Variants in CTNNA3 observed in about 807,000 individuals in gnomAD.
CTNNA3 encodes catenin alpha 3.
CTNNA3 carries 76 observed loss-of-function variants against 95.7 expected under a neutral mutation model. The ratio of observed to expected loss-of-function variants is 0.79; its 90% confidence interval spans 0.66 to 0.96. The LOEUF (loss-of-function observed/expected upper bound fraction) is 0.96. CTNNA3 is among the 40% of genes least tolerant of loss of function. The pLI is 0.00. For synonymous variants in CTNNA3, 431 were observed against 374.4 expected (o/e 1.15, Z -1.74); for missense variants, 1,191 against 1,089.8 (o/e 1.09, Z -1.31).
chr10:67,097,468 C>T, intron 7 of CTNNA3: 1 of 800,560 alleles, frequency 1.2e-6, no homozygotes, highest in South Asian at 1.6e-5. Context: ...GACACCTGGG[C>T]CACAGGGCCA....
At chr10:67,390,147 T>C (rs1844392987) in intron 5 of CTNNA3, among the ~76,000 whole-genome samples, 1 of 152,048 alleles carries the variant, frequency 6.6e-6, no homozygotes, top group Admixed American at 6.5e-5. Context: ...ATCAACAAAA[T>C]TGATAGACCA....
In CTNNA3 at chr10:67,643,075, C is replaced by T. The variant is rs1259137310; in HGVS notation, c.99+4340G>A. Reference sequence around the variant, plus strand: ...AGCAAAGACATGGAATCAACCTAAACGCCCATCAGTGATAGACTGGATAAA... The same window carrying T: ...AGCAAAGACATGGAATCAACCTAAATGCCCATCAGTGATAGACTGGATAAA... On this transcript the variant is annotated intron_variant, in intron 2 of 17. Transcript: ENST00000433211. 5.3e-5 allele frequency among the ~76,000 whole-genome samples: 8 copies of T among 152,220 alleles called. No individual in the cohort carries two copies. The South Asian group carries it at 8.3e-4, about 16-fold the overall frequency.
chr10:66,535,612 T>C (rs1041642591), intron 10 of CTNNA3, among the ~76,000 whole-genome samples: 4 of 152,206 alleles, frequency 2.6e-5, no homozygotes, highest in Non-Finnish European at 5.9e-5. Flanking sequence ...ATGCACTCCA[T>C]AATGCAGGCC....
intron 13 of CTNNA3, among the ~76,000 whole-genome samples, chr10:66,259,209 T>C (rs2132094337): frequency 6.6e-6 from 1 of 152,224 alleles, no homozygotes; most frequent in African/African-American, 2.4e-5. Flanking sequence ...AATGGAATCG[T>C]TTCTTCTCCC....
intron 7 of CTNNA3, among the ~76,000 whole-genome samples, chr10:67,111,261 A>G (rs74652167): frequency 0.018 from 2,759 of 152,278 alleles, 84 homozygotes; most frequent in East Asian, 0.12. Flanking sequence ...ATTATACAAC[A>G]TTATAGAGTG....
At chr10:66,139,329 C>T (rs983875079) in intron 13 of CTNNA3, among the ~76,000 whole-genome samples, 1 of 151,870 alleles carries the variant, frequency 6.6e-6, no homozygotes, top group African/African-American at 2.4e-5. Context: ...GGCAAGATTA[C>T]CCCTGATGCC....
intron 9 of CTNNA3, among the ~76,000 whole-genome samples, chr10:66,748,614 C>T (rs1437027201): frequency 2.6e-5 from 4 of 151,716 alleles, no homozygotes; most frequent in Non-Finnish European, 5.9e-5. Flanking sequence ...TTCTTTTATC[C>T]CACCAGATGT....
intron 10 of CTNNA3, among the ~76,000 whole-genome samples, chr10:66,565,312 G>C (rs755903022): frequency 6.6e-6 from 1 of 151,778 alleles, no homozygotes; most frequent in Non-Finnish European, 1.5e-5. Context: ...ATACATAAGA[G>C]ATGGAGAGAG....
At position 65,918,893 on chromosome 10, in the gene CTNNA3, A is replaced by T. The variant is rs1221605325; in HGVS notation, c.*1437T>A. 4 of 152,104 alleles carry T rather than the reference A, an allele frequency of 2.6e-5. No individual in the cohort carries two copies. The highest frequency in any genetic ancestry group is 5.9e-5 in the Non-Finnish European group (4 of 68,006). 9.4% of individuals were successfully genotyped at this position (152,104 alleles called of 1,614,324 possible). On this transcript the variant is annotated 3_prime_UTR_variant, in exon 18 of 18. Transcript: ENST00000433211. ...CCTTTTACCCAAACTGGTTCTCCTAATATCAACTGGTATTGTATGTGTAAA... is the reference window on the plus strand; with the variant it reads ...CCTTTTACCCAAACTGGTTCTCCTATTATCAACTGGTATTGTATGTGTAAA...
chr10:67,405,699 G>A (rs563715736), intron 5 of CTNNA3, among the ~76,000 whole-genome samples: 2 of 152,170 alleles, frequency 1.3e-5, no homozygotes, highest in African/African-American at 4.8e-5. Flanking sequence ...TGGATCAAGT[G>A]GAACTGACAG....
intron 15 of CTNNA3, among the ~76,000 whole-genome samples, chr10:66,021,155 C>G (rs1358859430): frequency 6.6e-6 from 1 of 152,132 alleles, no homozygotes; most frequent in Non-Finnish European, 1.5e-5. Context: ...AAAGACAGAA[C>G]GTCTGGTCTA....
At chr10:67,451,875 A>ATTTTATTC (rs1564659245) in intron 5 of CTNNA3, among the ~76,000 whole-genome samples, 1 of 152,160 alleles carries the variant, frequency 6.6e-6, no homozygotes, top group Non-Finnish European at 1.5e-5. Context: ...AAAGGCCTAT[A>ATTTTATTC]TTTTATTCTT....
chr10:66,075,338 TC>T (rs1210325834), intron 14 of CTNNA3, among the ~76,000 whole-genome samples: 2 of 151,720 alleles, frequency 1.3e-5, no homozygotes, highest in African/African-American at 2.4e-5. Flanking sequence ...CCATTCAAAT[TC>T]CACTTTGGCC....
intron 16 of CTNNA3, among the ~76,000 whole-genome samples, chr10:65,982,863 C>G (rs986072039): frequency 6.6e-6 from 1 of 150,940 alleles, no homozygotes; most frequent in East Asian, 1.9e-4. Context: ...GAATTATATC[C>G]TTAGGAGTTG....
chr10:67,541,476 T>G (rs1840682764), intron 3 of CTNNA3, among the ~76,000 whole-genome samples: 1 of 152,006 alleles, frequency 6.6e-6, no homozygotes, highest in Non-Finnish European at 1.5e-5. Flanking sequence ...TCTTTAGCAA[T>G]ACCAAGTTAG....
At chr10:66,118,642 C>T (rs979028777) in intron 13 of CTNNA3, among the ~76,000 whole-genome samples, 1 of 152,070 alleles carries the variant, frequency 6.6e-6, no homozygotes, top group Non-Finnish European at 1.5e-5. Flanking sequence ...TGTCTTAGAA[C>T]TTTTTCTCCC....
intron 7 of CTNNA3, among the ~76,000 whole-genome samples, chr10:66,817,311 T>C (rs1356205731): frequency 6.6e-6 from 1 of 151,386 alleles, no homozygotes; most frequent in African/African-American, 2.4e-5. Context: ...ATAATAATAA[T>C]TAAACTAGAA....
At chr10:67,467,363 A>G (rs991539166) in intron 5 of CTNNA3, among the ~76,000 whole-genome samples, 5 of 152,190 alleles carry the variant, frequency 3.3e-5, no homozygotes, top group African/African-American at 1.2e-4. Context: ...TTGAAATATT[A>G]TGATATTAGC....
chr10:66,072,337 T>C (rs1429719186), intron 14 of CTNNA3, among the ~76,000 whole-genome samples: 2 of 152,202 alleles, frequency 1.3e-5, no homozygotes, highest in Non-Finnish European at 2.9e-5. Flanking sequence ...AACTTTCCTA[T>C]GACCAGGGAA....
Sources: gnomAD v4.1 joint callset for allele counts (sites outside exome capture counted in the v4.1 genomes callset) on GRCh38, gnomAD v4.1.1 for gene constraint, MANE v1.5 for transcripts, NCBI Gene and HGNC (gene_info 2026-07-23, HGNC 2026-07-21) for gene names.